Variants in THSD4 observed in about 807,000 individuals in gnomAD.
THSD4 encodes the protein thrombospondin type-1 domain-containing protein 4.
A neutral mutation model predicts 119.0 loss-of-function variants in THSD4; 69 were observed. The ratio of observed to expected loss-of-function variants is 0.58; its 90% CI spans 0.48 to 0.71. The LOEUF (loss-of-function observed/expected upper bound fraction) is 0.71, where lower values mean the gene tolerates loss of function less well. Ranked by LOEUF, THSD4 falls within the 30% of genes least tolerant of loss-of-function variation. The pLI, the probability that THSD4 is intolerant of heterozygous loss-of-function variation, is 0.00. For synonymous variants in THSD4, 524 were observed against 540.4 expected, an observed-to-expected ratio of 0.97 and a Z score of 0.42; for missense variants, 1,393 against 1,391.1, an observed-to-expected ratio of 1.00 and a Z score of -0.02.
At chr15:71,310,089 A>C (rs2045090538) in intron 6 of THSD4, among the ~76,000 whole-genome samples, 1 of 152,222 alleles carries the variant, frequency 6.6e-6, no homozygotes, top group Admixed American at 6.5e-5. Flanking sequence ...TAGTATTAGG[A>C]GGTGATTTTC....
chr15:71,677,285 C>G lies in THSD4; in HGVS notation c.1357+16551C>G, dbSNP rs555789074. 2.0e-5 allele frequency among the ~76,000 whole-genome samples: 3 copies of G among 152,188 alleles called. No individual in the cohort carries two copies. The East Asian group carries it at 5.8e-4, about 29-fold the overall frequency. On this transcript the variant is annotated intron_variant, in intron 8 of 17. Coordinates refer to ENST00000261862, the MANE Select transcript of THSD4 (RefSeq NM_024817.3). ...TCCTGACTCTTGGCTGAATGTTCCT[C>G]GTCAATGCTGGTAGATGAGGAAAGT...
intron 1 of THSD4, among the ~76,000 whole-genome samples, chr15:71,101,402 G>C (rs1160349395): frequency 6.6e-6 from 1 of 152,132 alleles, no homozygotes; most frequent in Non-Finnish European, 1.5e-5. Flanking sequence ...TATGTATTAT[G>C]ATGACTACAT....
intron 3 of THSD4, among the ~76,000 whole-genome samples, chr15:71,199,477 TGTGTGTGTGGG>T (rs1473765164): frequency 1.5e-4 from 20 of 136,342 alleles, no homozygotes; most frequent in Admixed American, 1.2e-3. Context: ...GTGTGTGGTG[TGTGTGTGTGGG>T]GTGTGTGTGG....
chr15:71,393,757 G>A (rs2140472776), intron 6 of THSD4, among the ~76,000 whole-genome samples: 1 of 152,248 alleles, frequency 6.6e-6, no homozygotes. Flanking sequence ...CAGCAGGGAG[G>A]CATGAAAGAA....
chr15:71,573,643 A>C (rs1187475259), intron 7 of THSD4, among the ~76,000 whole-genome samples: 1 of 152,204 alleles, frequency 6.6e-6, no homozygotes, highest in Non-Finnish European at 1.5e-5. Flanking sequence ...GTATAAATTA[A>C]TTACTCTTTG....
intron 3 of THSD4, among the ~76,000 whole-genome samples, chr15:71,181,972 G>A (rs1455369353): frequency 6.6e-6 from 1 of 152,224 alleles, no homozygotes; most frequent in Non-Finnish European, 1.5e-5. Context: ...GTTTGCAGAA[G>A]ATGTTGAGAG....
chr15:71,763,722 G>A (rs929430451), intron 15 of THSD4, among the ~76,000 whole-genome samples: 1 of 151,886 alleles, frequency 6.6e-6, no homozygotes, highest in Non-Finnish European at 1.5e-5. Flanking sequence ...TAGGATTATA[G>A]GAGTGAGCCA....
chr15:71,651,480 C>T (rs976052493), intron 7 of THSD4, among the ~76,000 whole-genome samples: 4 of 152,216 alleles, frequency 2.6e-5, no homozygotes, highest in Admixed American at 1.3e-4. Context: ...CCTTTTCTCT[C>T]ATCATCTCGT....
At chr15:71,125,651 A>G (rs1032419362) in intron 1 of THSD4, among the ~76,000 whole-genome samples, 2 of 152,156 alleles carry the variant, frequency 1.3e-5, no homozygotes, top group Non-Finnish European at 2.9e-5. Context: ...GGTCCGAAGA[A>G]GGCGCCTCCA....
intron 6 of THSD4, among the ~76,000 whole-genome samples, chr15:71,328,570 G>GC (rs1447184664): frequency 1.3e-5 from 2 of 152,176 alleles, no homozygotes; most frequent in African/African-American, 4.8e-5. Flanking sequence ...AACTGATAAT[G>GC]CCCCCCTCTC....
chr15:71,413,812 T>G (rs541713931), intron 7 of THSD4, among the ~76,000 whole-genome samples: 12 of 152,220 alleles, frequency 7.9e-5, no homozygotes, highest in Non-Finnish European at 1.8e-4. Context: ...GAAAAACCAC[T>G]GGTTTTCACA....
intron 6 of THSD4, among the ~76,000 whole-genome samples, chr15:71,327,972 C>G (rs2045368985): frequency 6.6e-6 from 1 of 152,208 alleles, no homozygotes; most frequent in Non-Finnish European, 1.5e-5. Flanking sequence ...ATGATGGCCT[C>G]TTTTCCCACA....
chr15:71,357,256 C>CTGT (rs1409661765), intron 6 of THSD4, among the ~76,000 whole-genome samples: 1 of 152,218 alleles, frequency 6.6e-6, no homozygotes, highest in Non-Finnish European at 1.5e-5. Context: ...AAGGAGCCTA[C>CTGT]TGTAGGACAT....
chr15:71,305,862 C>A (rs1366825257), intron 6 of THSD4, among the ~76,000 whole-genome samples: 8 of 152,192 alleles, frequency 5.3e-5, no homozygotes, highest in African/African-American at 1.9e-4. Context: ...TTCTCGAGTT[C>A]CCACTCACTG....
At chr15:71,341,569 C>G in intron 6 of THSD4, 3 of 1,608,364 alleles carry the variant, frequency 1.9e-6, no homozygotes, top group Non-Finnish European at 2.6e-6. Flanking sequence ...TGACATCTTT[C>G]AGATACTTCG....
chr15:71,745,244 G>C lies in THSD4; in HGVS notation c.2036+9G>C. On this transcript the variant is annotated intron_variant, in intron 12 of 17. Transcript: ENST00000261862. ...TTCCCTTGCCCAGCCTTGTAAGAAG[G>C]CCCCTCCATTTAGGTCGCCTATTAC... 1.2e-6 allele frequency: 2 copies of C among 1,613,530 alleles called. No individual in the cohort carries two copies. Among genetic ancestry groups the C allele is most frequent in the South Asian group, 1.1e-5 (1 of 91,008 alleles).
intron 13 of THSD4, among the ~76,000 whole-genome samples, chr15:71,747,833 A>G (rs144895802): frequency 5.4e-4 from 82 of 152,380 alleles, no homozygotes; most frequent in Non-Finnish European, 1.1e-3. Context: ...GATTTGAGGA[A>G]CTGACAATAA....
At chr15:71,712,233 AATAAC>A (rs1204918979) in intron 8 of THSD4, among the ~76,000 whole-genome samples, 10 of 152,258 alleles carry the variant, frequency 6.6e-5, no homozygotes, top group African/African-American at 2.4e-4. Context: ...AATATTAAAA[AATAAC>A]ATAGGAATGA....
chr15:71,545,289 G>A (rs1014324323), intron 7 of THSD4, among the ~76,000 whole-genome samples: 2 of 152,168 alleles, frequency 1.3e-5, no homozygotes, highest in Admixed American at 6.5e-5. Flanking sequence ...CAGAGCCCTT[G>A]CAGTAGAGCA....
Sources: gnomAD v4.1 joint callset for allele counts (sites outside exome capture counted in the v4.1 genomes callset) on GRCh38, gnomAD v4.1.1 for gene constraint, MANE v1.5 for transcripts, NCBI Gene and HGNC (gene_info 2026-07-23, HGNC 2026-07-21) for gene names.